CARNMT1: variants seen among roughly 807,000 people sequenced by gnomAD.
The protein encoded by CARNMT1 is carnosine N-methyltransferase 1, also known as protein-L-histidine N-pros-methyltransferase CARNMT1.
CARNMT1 carries 28 observed loss-of-function variants against 49.6 expected under a neutral mutation model. The observed-to-expected ratio is 0.56, with a 90% CI of 0.42 to 0.77. The LOEUF (loss-of-function observed/expected upper bound fraction) is 0.77, where lower values mean the gene tolerates loss of function less well. Ranked by LOEUF, CARNMT1 falls within the 30% of genes least tolerant of loss-of-function variation. The pLI, the probability that CARNMT1 is intolerant of heterozygous loss-of-function variation, is 0.00. For synonymous variants in CARNMT1, 178 were observed against 175.0 expected, an observed-to-expected ratio of 1.02 and a Z score of -0.13; for missense variants, 421 against 512.6, an observed-to-expected ratio of 0.82 and a Z score of 1.73.
chr9:75,028,381 A>T (rs1006756619), upstream of CARNMT1: 31 of 1,298,754 alleles, frequency 2.4e-5, no homozygotes, highest in Non-Finnish European at 2.7e-5. Context: ...CGCCACCCTC[A>T]GGCCTCCATC....
intron 1 of CARNMT1, among the ~76,000 whole-genome samples, chr9:75,023,545 G>A (rs950165181): frequency 4.6e-5 from 7 of 152,158 alleles, no homozygotes; most frequent in Non-Finnish European, 1.0e-4. Flanking sequence ...TTACTTAATG[G>A]TGTGCAAAGC....
At chr9:75,009,425 G>A (rs150197167) in intron 3 of CARNMT1, among the ~76,000 whole-genome samples, 1 of 151,772 alleles carries the variant, frequency 6.6e-6, no homozygotes, top group South Asian at 2.1e-4. Flanking sequence ...TTCGGTGTAA[G>A]TAAGTAACCC....
intron 1 of CARNMT1, among the ~76,000 whole-genome samples, chr9:75,023,586 A>G (rs748131157): frequency 5.3e-5 from 8 of 152,232 alleles, no homozygotes; most frequent in Non-Finnish European, 7.3e-5. Context: ...AGTGACTCTT[A>G]AAATAGGTGG....
At position 74,983,489 on chromosome 9, in the gene CARNMT1, T is replaced by C; in HGVS notation, c.*278A>G. On this transcript the variant is annotated 3_prime_UTR_variant, in exon 8 of 8. Coordinates refer to ENST00000376834, the MANE Select transcript of CARNMT1 (RefSeq NM_152420.3). ...GAAGACACTGGAGATTAGGTTTTTTTCCTACTGAAACACAATTCTGGGCTT... is the reference window on the plus strand; with the variant it reads ...GAAGACACTGGAGATTAGGTTTTTTCCCTACTGAAACACAATTCTGGGCTT... The C allele has an allele frequency of 4.0e-6, 1 of 251,006 alleles. No individual in the cohort carries two copies. The allele number at this position is 251,006 out of a possible 1,614,324, so 15.5% of individuals were successfully genotyped here. A position where few individuals can be genotyped will look rare whatever the true frequency, so the allele number is the denominator to read the frequency against.
intron 3 of CARNMT1, among the ~76,000 whole-genome samples, chr9:75,011,826 G>C (rs1242365669): frequency 2.0e-5 from 3 of 152,180 alleles, no homozygotes; most frequent in Non-Finnish European, 4.4e-5. Flanking sequence ...GAGCAGCTAA[G>C]ACCCTCAGTC....
intron 3 of CARNMT1, among the ~76,000 whole-genome samples, chr9:75,001,981 TTC>T (rs910967866): frequency 1.3e-5 from 2 of 152,130 alleles, no homozygotes; most frequent in African/African-American, 4.8e-5. Context: ...CTACTTGAGA[TTC>T]TTAGTGAAAA....
intron 3 of CARNMT1, among the ~76,000 whole-genome samples, chr9:75,015,000 A>G (rs972492169): frequency 6.6e-6 from 1 of 152,172 alleles, no homozygotes; most frequent in African/African-American, 2.4e-5. Context: ...GAGCCTCTCT[A>G]AAAGATCTTT....
chr9:75,018,691 C>T (rs1342033866), intron 1 of CARNMT1, among the ~76,000 whole-genome samples: 1 of 152,072 alleles, frequency 6.6e-6, no homozygotes, highest in Non-Finnish European at 1.5e-5. Context: ...AACAGGTGGG[C>T]GCAGTGGCTC....
intron 4 of CARNMT1, 59 bp from the exon 5 acceptor site, chr9:74,998,835 T>C: frequency 1.9e-6 from 2 of 1,029,112 alleles, no homozygotes; most frequent in South Asian, 4.4e-5. Context: ...GAAAATCCAC[T>C]TTAAATACTA....
chr9:74,993,000 C>A (rs1421368022), intron 6 of CARNMT1, among the ~76,000 whole-genome samples: 1 of 152,184 alleles, frequency 6.6e-6, no homozygotes, highest in Non-Finnish European at 1.5e-5. Context: ...GATGGCACTT[C>A]ATCATCTCTT....
rs1471407476 is a variant in CARNMT1, at chr9:74,982,025, A to C, written c.*1742T>G. ...GGACACAAAAAAGAGAAATCTTAAA[A>C]AAAAAAAAAAAAGGTTACAGTCTTC... is the stretch of plus-strand genomic sequence containing the variant. On this transcript the variant is annotated 3_prime_UTR_variant, in exon 8 of 8. Coordinates refer to ENST00000376834, the MANE Select transcript of CARNMT1 (RefSeq NM_152420.3). 6.6e-6 allele frequency: 1 copy of C among 151,904 alleles called. No homozygotes were observed. Among genetic ancestry groups the C allele is most frequent in the Non-Finnish European group, 1.5e-5 (1 of 67,954 alleles). 9.4% of individuals were successfully genotyped at this position (151,904 alleles called of 1,614,324 possible).
upstream of CARNMT1, chr9:75,028,294 G>A (rs1049239947): frequency 1.5e-6 from 2 of 1,336,222 alleles, no homozygotes; most frequent in Non-Finnish European, 1.9e-6. Flanking sequence ...GACCGACAGC[G>A]TGGTGGCGGC....
At chr9:75,000,295 C>T (rs1833316175) in intron 3 of CARNMT1, among the ~76,000 whole-genome samples, 1 of 152,070 alleles carries the variant, frequency 6.6e-6, no homozygotes, top group Non-Finnish European at 1.5e-5. Flanking sequence ...TTATATGTAA[C>T]TCAATTGTTT....
intron 1 of CARNMT1, among the ~76,000 whole-genome samples, chr9:75,019,500 G>A (rs1023441220): frequency 3.9e-5 from 6 of 152,132 alleles, no homozygotes; most frequent in African/African-American, 7.2e-5. Context: ...GATTAACTGA[G>A]AGCCTGATAA....
At chr9:75,022,385 G>A (rs994370833) in intron 1 of CARNMT1, among the ~76,000 whole-genome samples, 4 of 151,570 alleles carry the variant, frequency 2.6e-5, no homozygotes, top group African/African-American at 4.9e-5. Flanking sequence ...CACCATGCCC[G>A]GCTAATTTTT....
chr9:74,994,860 T>C (rs1170013464), intron 6 of CARNMT1, among the ~76,000 whole-genome samples: 1 of 152,154 alleles, frequency 6.6e-6, no homozygotes, highest in African/African-American at 2.4e-5. Flanking sequence ...TGAGACTCCA[T>C]AATGGAATTA....
chr9:75,020,041 A>G (rs1242953667), intron 1 of CARNMT1, among the ~76,000 whole-genome samples: 1 of 152,210 alleles, frequency 6.6e-6, no homozygotes, highest in Non-Finnish European at 1.5e-5. Context: ...GCATATGTGG[A>G]AAAACTACAC....
chr9:74,994,676 T>G (rs910187019), intron 6 of CARNMT1, among the ~76,000 whole-genome samples: 1 of 152,088 alleles, frequency 6.6e-6, no homozygotes, highest in African/African-American at 2.4e-5. Context: ...ACAGATTAGA[T>G]GCCCAGAACA....
chr9:74,986,787 G>A (rs1832855856), intron 6 of CARNMT1, among the ~76,000 whole-genome samples: 3 of 152,064 alleles, frequency 2.0e-5, no homozygotes, highest in Admixed American at 2.0e-4. Flanking sequence ...TTCTTAATGT[G>A]GCATATTTTA....
Sources: allele counts gnomAD v4.1 joint callset (sites outside exome capture counted in the v4.1 genomes callset), GRCh38; gene constraint gnomAD v4.1.1; transcripts MANE v1.5; gene names NCBI Gene and HGNC (gene_info 2026-07-23, HGNC 2026-07-21).